Variants in TMEM63A observed in about 807,000 individuals in gnomAD.
TMEM63A encodes transmembrane protein 63A.
A neutral mutation model predicts 100.6 loss-of-function variants in TMEM63A; 76 were observed. The ratio of observed to expected loss-of-function variants is 0.76; its 90% CI spans 0.63 to 0.91. The LOEUF is 0.91. TMEM63A is among the 40% of genes least tolerant of loss of function. TMEM63A has a pLI of 0.00. For missense variants in TMEM63A, 876 were observed against 1,008.8 expected (o/e 0.87, Z 1.78); for synonymous variants, 401 against 401.1 (o/e 1.00, Z 0.00).
intron 2 of TMEM63A, 123 bp from the exon 3 acceptor site, chr1:225,877,717 A>T (rs1223031560): frequency 4.5e-6 from 4 of 898,288 alleles, no homozygotes; most frequent in Non-Finnish European, 6.6e-6. Context: ...GTGAGCCAGC[A>T]GCAAGGAGTC....
At chr1:225,855,747 C>G (rs1467266299) in intron 18 of TMEM63A, 131 bp downstream of exon 18, 4 of 872,944 alleles carry the variant, frequency 4.6e-6, no homozygotes, top group Non-Finnish European at 6.9e-6. Context: ...CCAAGCCCTG[C>G]TGTCTGGGGA....
At chr1:225,842,273 G>T, downstream of TMEM63A, 1 of 960,218 alleles carries the variant, frequency 1.0e-6, no homozygotes. Flanking sequence ...ACACAGCCCC[G>T]CCCTCTGCGG....
intron 20 of TMEM63A, among the ~76,000 whole-genome samples, chr1:225,851,058 C>T (rs985079654): frequency 3.3e-5 from 5 of 152,086 alleles, no homozygotes; most frequent in African/African-American, 4.8e-5. Flanking sequence ...GGGACAGACC[C>T]TGCACCAAGG....
chr1:225,867,912 C>T lies in TMEM63A; in HGVS notation c.490G>A (p.Val164Ile). Reference sequence around the variant, plus strand: ...CCCAGCAAGTCCCCTGAGAGGTTGACAGGCAGGATGACACACAGGGACAAA... The same window carrying T: ...CCCAGCAAGTCCCCTGAGAGGTTGATAGGCAGGATGACACACAGGGACAAA... ...SFLSLCVILP[V>I]NLSGDLLDKD... The change falls in exon 7 of 25, where the codon GTC (valine) becomes ATC (isoleucine). Residue 164 changes from valine (V) to isoleucine (I), a missense_variant. Around this residue, in one of 5 missense-constraint regions of TMEM63A, gnomAD observed 487 missense variants for 581.9 expected, o/e 0.84. Transcript: ENST00000366835. The surrounding 1 kb of genome is among the most constrained non-coding windows in gnomAD (Gnocchi z 4.6). 3 of 1,614,142 alleles carry T rather than the reference C, an allele frequency of 1.9e-6. No individual in the cohort carries two copies. Among genetic ancestry groups the T allele is most frequent in the Non-Finnish European group, 2.5e-6 (3 of 1,180,032 alleles).
Position 225,852,700 on chromosome 1 carries a change from C to G in TMEM63A, c.1867G>C (p.Ala623Pro), listed in dbSNP as rs1428076815. The stretch of plus-strand genomic sequence containing the variant: ...ATGATGGGACAAGTGATGCTGTAGG[C>G]CACGATGACAGTGAAGACACACAGC... ...WMLCVFTVIV[A>P]YSITCPIIAP... Residue 623 changes from alanine (A) to proline (P), a missense_variant, in exon 20 of 25, where the codon GCC (alanine) becomes CCC (proline). Ala to Pro is a conservative substitution (Grantham distance 27). This residue lies in a region of TMEM63A where 339 missense variants were observed against 342.3 expected (regional missense o/e 0.99). Transcript: ENST00000366835. The G allele has an allele frequency of 6.2e-7, 1 of 1,613,440 alleles. No homozygotes were observed. Among genetic ancestry groups the G allele is most frequent in the Non-Finnish European group, 8.5e-7 (1 of 1,180,038 alleles).
chr1:225,857,361 G>A (rs1034269395), intron 15 of TMEM63A, among the ~76,000 whole-genome samples: 1 of 137,060 alleles, frequency 7.3e-6, no homozygotes, highest in Non-Finnish European at 1.6e-5. Context: ...AACACCGAAG[G>A]CCTGGAGTCC....
chr1:225,848,514 G>A lies in TMEM63A; in HGVS notation c.2228C>T (p.Ala743Val), dbSNP rs755760581. Residue 743 changes from alanine to valine, a missense_variant, in exon 23 of 25, where the codon GCC becomes GTC. Around this residue, in one of 5 missense-constraint regions of TMEM63A, gnomAD observed 339 missense variants for 342.3 expected, o/e 0.99. Coordinates refer to ENST00000366835, the MANE Select transcript of TMEM63A (RefSeq NM_014698.3). ...PASDKGSEAE[A>V]HMPPPFTPYV... The stretch of plus-strand genomic sequence containing the variant: ...TACTGTGAACGGTGGGGGCATGTGG[G>A]CCTCTGCCTCACTTCCTTTGTCACT... 9.3e-6 allele frequency: 15 copies of A among 1,613,998 alleles called. No homozygotes were observed. The highest frequency in any genetic ancestry group is 4.0e-5 in the African/African-American group (3 of 74,908).
intron 6 of TMEM63A, 37 bp downstream of exon 6, chr1:225,871,039 C>CT (rs1245890574): frequency 8.1e-6 from 13 of 1,612,210 alleles, no homozygotes; most frequent in Non-Finnish European, 1.0e-5. Context: ...AAAACCAGCC[C>CT]AAAGGCCCCC....
chr1:225,841,007 C>T (rs1195394481), downstream of TMEM63A: 1 of 152,206 alleles, frequency 6.6e-6, no homozygotes, highest in Non-Finnish European at 1.5e-5. Flanking sequence ...AACCTCTTCT[C>T]CCTCCCCACA....
At chr1:225,878,885 T>TACACACACACACACACACAC (rs55792328) in intron 2 of TMEM63A, among the ~76,000 whole-genome samples, 2 of 139,520 alleles carry the variant, frequency 1.4e-5, no homozygotes, top group East Asian at 2.2e-4. Context: ...CCTACCTACC[T>TACACACACACACACACACAC]ACACACACAC....
intron 9 of TMEM63A, 36 bp downstream of exon 9, chr1:225,866,538 C>G: frequency 6.3e-7 from 1 of 1,597,292 alleles, no homozygotes; most frequent in Admixed American, 1.7e-5. Flanking sequence ...ACCTGAGTCC[C>G]TCCCAGCACA....
intron 6 of TMEM63A, 151 bp from the exon 7 acceptor site, chr1:225,868,181 G>A (rs1464962467): frequency 8.1e-6 from 8 of 985,634 alleles, no homozygotes; most frequent in Non-Finnish European, 1.2e-5. Flanking sequence ...TAAAGGCACA[G>A]GAAATTTGCA....
chr1:225,840,678 C>T (rs1158020080), downstream of TMEM63A, among the ~76,000 whole-genome samples: 4 of 152,152 alleles, frequency 2.6e-5, no homozygotes, highest in East Asian at 7.7e-4. Context: ...ATTCGCATTA[C>T]CCTCAGTTCT....
At chr1:225,871,736 G>C (rs1448285944) in intron 5 of TMEM63A, 6 of 505,792 alleles carry the variant, frequency 1.2e-5, no homozygotes, top group African/African-American at 9.8e-5. Context: ...AGGTGTAAGA[G>C]AGAGAAGTGC....
At chr1:225,866,293 C>G (rs1482541589) in intron 9 of TMEM63A, 2 of 520,364 alleles carry the variant, frequency 3.8e-6, no homozygotes, top group Non-Finnish European at 6.9e-6. Context: ...ACAGAAGCTC[C>G]CCTCCCCTGT....
In TMEM63A at chr1:225,849,938, A is replaced by G; in HGVS notation, c.2045T>C (p.Leu682Pro). 6.2e-7 allele frequency: 1 copy of G among 1,614,184 alleles called. No individual in the cohort carries two copies. Among genetic ancestry groups the G allele is most frequent in the Non-Finnish European group, 8.5e-7 (1 of 1,180,042 alleles). ...CAGGCGCAGGAAGGAAAAGAAGTAG[A>G]GCCAGAAGAGGCACAGGATGGGGGC... ...LAAPILCLFWLYFFSFLRLGM... is the reference protein window; with the variant it reads ...LAAPILCLFWPYFFSFLRLGM... Residue 682 changes from leucine (L) to proline (P), a missense_variant, in exon 21 of 25, where the codon CTC becomes CCC. By Grantham distance (98) the Leu-to-Pro change is moderately conservative (BLOSUM62 -3). Coordinates refer to ENST00000366835, the MANE Select transcript of TMEM63A (RefSeq NM_014698.3).
At chr1:225,868,142 C>T (rs1225010198) in intron 6 of TMEM63A, 112 bp from the exon 7 acceptor site, 1 of 1,368,580 alleles carries the variant, frequency 7.3e-7, no homozygotes, top group Non-Finnish European at 1.0e-6. Context: ...CGATCGCTAT[C>T]CCCACATTTT....
chr1:225,851,515 G>A lies in TMEM63A; in HGVS notation c.1903+1149C>T, dbSNP rs1238264919. Among the ~76,000 whole-genome samples, 3 of 152,030 alleles carry A rather than the reference G, an allele frequency of 2.0e-5. No homozygotes were observed. The South Asian group carries it at 6.3e-4, about 32-fold the overall frequency. On this transcript the variant is annotated intron_variant, in intron 20 of 24. Coordinates refer to ENST00000366835, the MANE Select transcript of TMEM63A (RefSeq NM_014698.3). ...CTCCCGAGTAGCTGGGATTACAGGC[G>A]CCTGCCACCATGCCCAGTTAATTTT...
rs1668931117 is a variant in TMEM63A, at chr1:225,845,778, G to T, written c.*1161C>A. ...AGCAGAGGCAGCACTGGCCACCACT[G>T]CGGGGGCAAGTCAGCGTCAAGAGAG... On this transcript the variant is annotated 3_prime_UTR_variant, in exon 25 of 25. Transcript: ENST00000366835. 1 of 280,544 alleles carries T rather than the reference G, an allele frequency of 3.6e-6. No homozygotes were observed. The allele number at this position is 280,544 out of a possible 1,614,324, so 17.4% of individuals were successfully genotyped here.
Sources: allele counts gnomAD v4.1 joint callset (sites outside exome capture counted in the v4.1 genomes callset), GRCh38; gene constraint gnomAD v4.1.1; regional missense constraint gnomAD v4.1.1; non-coding constraint Gnocchi (gnomAD v3.1); transcripts MANE v1.5; gene names NCBI Gene and HGNC (gene_info 2026-07-23, HGNC 2026-07-21).